C10orf67: variants seen among roughly 807,000 people sequenced by gnomAD.
The protein encoded by C10orf67 is chromosome 10 open reading frame 67, also known as uncharacterized protein C10orf67, mitochondrial.
A neutral mutation model predicts 35.6 loss-of-function variants in C10orf67; 60 were observed. The observed-to-expected ratio is 1.68, with a 90% CI of 1.37 to 2.09. The LOEUF (loss-of-function observed/expected upper bound fraction) is 2.09. Ranked by LOEUF, C10orf67 falls within the 30% of genes most tolerant of loss-of-function variation. The pLI is 0.00. For missense variants in C10orf67, 474 were observed against 330.2 expected, an observed-to-expected ratio of 1.44 and a Z score of -3.38; for synonymous variants, 167 against 115.8, an observed-to-expected ratio of 1.44 and a Z score of -2.84.
At chr10:23,285,592 T>C (rs1185364653) in intron 7 of C10orf67, among the ~76,000 whole-genome samples, 1 of 152,102 alleles carries the variant, frequency 6.6e-6, no homozygotes, top group African/African-American at 2.4e-5. Flanking sequence ...ATTTCACATT[T>C]TTTACACCAA....
At position 23,320,789 on chromosome 10, in the gene C10orf67, G is replaced by A. The variant is rs1844919780; in HGVS notation, c.498C>T (p.Phe166=). Reference sequence around the variant, plus strand: ...CTATGGCATCAGCTAACTGCTGATTGAAGGATTTTCTCATCTTATCCTCAT... The same window carrying A: ...CTATGGCATCAGCTAACTGCTGATTAAAGGATTTTCTCATCTTATCCTCAT... ...QQNEDKMRKS[F]NQQLADAIAV... The change falls in exon 4 of 16, where the codon TTC becomes TTT. Residue 166 remains phenylalanine (F), a synonymous_variant. Transcript: ENST00000636213. 8 of 1,588,878 alleles carry A rather than the reference G, an allele frequency of 5.0e-6. No individual in the cohort carries two copies. Among genetic ancestry groups the A allele is most frequent in the Non-Finnish European group, 6.0e-6 (7 of 1,166,758 alleles).
At chr10:23,226,136 A>G (rs1051596741) in intron 13 of C10orf67, among the ~76,000 whole-genome samples, 3 of 152,228 alleles carry the variant, frequency 2.0e-5, no homozygotes, top group African/African-American at 4.8e-5. Context: ...CAGAATATAC[A>G]TTCTTCTCAG....
rs1588636658 is a variant in C10orf67, at chr10:23,271,490, A to C, written c.976-4236T>G. Among the ~76,000 whole-genome samples, 3 of 152,360 alleles carry C rather than the reference A, an allele frequency of 2.0e-5. No individual in the cohort carries two copies. In the East Asian group the frequency reaches 5.8e-4, roughly 29 times the overall value. On this transcript the variant is annotated intron_variant, in intron 8 of 15. Coordinates refer to ENST00000636213, the MANE Select transcript of C10orf67 (RefSeq NM_001371909.1). ...GTATAGAATTTTAGAAATTTCTTTT[A>C]GCTGTCAAAATATTTTTCTAAATGG...
intron 10 of C10orf67, among the ~76,000 whole-genome samples, chr10:23,265,142 G>A (rs1842853336): frequency 6.6e-6 from 1 of 152,254 alleles, no homozygotes; most frequent in African/African-American, 2.4e-5. Flanking sequence ...AAGTGGAAAT[G>A]CTCACAGAGG....
At chr10:23,217,421 T>C (rs188623425) in intron 15 of C10orf67, among the ~76,000 whole-genome samples, 4 of 152,308 alleles carry the variant, frequency 2.6e-5, no homozygotes, top group African/African-American at 9.6e-5. Flanking sequence ...ATGTATAATA[T>C]CCTGTAACAT....
intron 7 of C10orf67, among the ~76,000 whole-genome samples, chr10:23,283,834 C>T (rs1843445830): frequency 6.6e-6 from 1 of 152,104 alleles, no homozygotes; most frequent in African/African-American, 2.4e-5. Context: ...GTGTGCCGCA[C>T]ACCAAACTCT....
intron 15 of C10orf67, among the ~76,000 whole-genome samples, chr10:23,214,833 G>A (rs1210985398): frequency 6.6e-6 from 1 of 152,106 alleles, no homozygotes; most frequent in Non-Finnish European, 1.5e-5. Flanking sequence ...CACCAGCCTG[G>A]ACAACATGGC....
rs57702096 is a variant in C10orf67 at position 23,249,131 on chromosome 10, CAAAAAAAAAAAA to C, written c.1346+1312_1346+1323del. 2.8e-4 allele frequency among the ~76,000 whole-genome samples: 6 copies of C among 21,548 alleles called. No individual in the cohort carries two copies. The East Asian group carries it at 8.6e-3, about 31-fold the overall frequency. The allele number at this position is 21,548 out of a possible 152,430, so 14.1% of individuals were successfully genotyped here. On this transcript the variant is annotated intron_variant, in intron 12 of 15. Coordinates refer to ENST00000636213, the MANE Select transcript of C10orf67 (RefSeq NM_001371909.1). ...GGCAACAAGAGCAAAAACTCCCTCT[CAAAAAAAAAAAA>C]AAAAAAAAAAAAAAAAAGAAAACTG...
intron 13 of C10orf67, among the ~76,000 whole-genome samples, chr10:23,235,323 A>G (rs1842020890): frequency 6.6e-6 from 1 of 152,234 alleles, no homozygotes; most frequent in Non-Finnish European, 1.5e-5. Flanking sequence ...AAAATAACTA[A>G]GTTGTCTTCA....
intron 4 of C10orf67, among the ~76,000 whole-genome samples, chr10:23,314,527 C>T (rs990649007): frequency 2.9e-5 from 4 of 139,692 alleles, no homozygotes; most frequent in Non-Finnish European, 6.4e-5. Context: ...CACACACACA[C>T]AAACTTATTA....
intron 15 of C10orf67, among the ~76,000 whole-genome samples, chr10:23,221,481 C>CG (rs1237340233): frequency 4.6e-5 from 7 of 152,104 alleles, no homozygotes; most frequent in Non-Finnish European, 8.8e-5. Flanking sequence ...AAACTATTTC[C>CG]GGGGGGTCTG....
intron 4 of C10orf67, among the ~76,000 whole-genome samples, chr10:23,307,448 T>G (rs1243865979): frequency 6.6e-6 from 1 of 152,086 alleles, no homozygotes; most frequent in Non-Finnish European, 1.5e-5. Context: ...AGAAGAATAA[T>G]ATATGAAGGT....
intron 15 of C10orf67, among the ~76,000 whole-genome samples, chr10:23,222,281 G>C (rs1190620734): frequency 6.6e-6 from 1 of 152,056 alleles, no homozygotes; most frequent in African/African-American, 2.4e-5. Context: ...TTTGCAAAAT[G>C]GTTTTCTTGG....
At chr10:23,267,968 C>T (rs114007161) in intron 8 of C10orf67, among the ~76,000 whole-genome samples, 248 of 151,598 alleles carry the variant, frequency 1.6e-3, no homozygotes, top group African/African-American at 5.6e-3. Flanking sequence ...ACTTCAATAA[C>T]GTAATGAATG....
In C10orf67 at chr10:23,301,850, C is replaced by T. The variant is rs536547330; in HGVS notation, c.702+1454G>A. 7.2e-5 allele frequency among the ~76,000 whole-genome samples: 11 copies of T among 152,328 alleles called. No individual in the cohort carries two copies. The South Asian group carries it at 1.9e-3, about 26-fold the overall frequency. On this transcript the variant is annotated intron_variant, in intron 5 of 15. Coordinates refer to ENST00000636213, the MANE Select transcript of C10orf67 (RefSeq NM_001371909.1). ...GAGAACCGTGGAACCCAGTAACTAG[C>T]GTTCAGCTCGATTATGATCAACCCG...
intron 1 of C10orf67, among the ~76,000 whole-genome samples, chr10:23,335,853 CA>C: frequency 6.6e-6 from 1 of 152,292 alleles, no homozygotes; most frequent in African/African-American, 2.4e-5. Flanking sequence ...AATGTTCCCC[CA>C]AATACATCTG....
chr10:23,230,576 T>C (rs1297177874), intron 13 of C10orf67, among the ~76,000 whole-genome samples: 1 of 152,140 alleles, frequency 6.6e-6, no homozygotes, highest in Non-Finnish European at 1.5e-5. Context: ...AAAGGATTAG[T>C]ATCCAAGTTA....
At chr10:23,211,530 G>C (rs1841308018) in intron 15 of C10orf67, among the ~76,000 whole-genome samples, 1 of 151,440 alleles carries the variant, frequency 6.6e-6, no homozygotes, top group African/African-American at 2.4e-5. Context: ...TTCCAGAGAA[G>C]GCAACTTACT....
chr10:23,320,890 CAT>C lies in C10orf67; in HGVS notation c.472-77_472-76del, dbSNP rs1384911695. ...GACCCACACCTACTAGGGAGGGACTCATAGTAAAAAAACATCATCTGAATCAT... is the reference window on the plus strand; with the variant it reads ...GACCCACACCTACTAGGGAGGGACTCAGTAAAAAAACATCATCTGAATCAT... On this transcript the variant is annotated intron_variant, in intron 3 of 15. Transcript: ENST00000636213. 21 of 981,550 alleles carry C rather than the reference CAT, an allele frequency of 2.1e-5. No homozygotes were observed. The South Asian group carries it at 2.6e-4, about 12-fold the overall frequency. The allele number at this position is 981,550 out of a possible 1,614,324, so 60.8% of individuals were successfully genotyped here. A position where few individuals can be genotyped will look rare whatever the true frequency, so the allele number is the denominator to read the frequency against.
Sources: allele counts gnomAD v4.1 joint callset (sites outside exome capture counted in the v4.1 genomes callset), GRCh38; gene constraint gnomAD v4.1.1; transcripts MANE v1.5; gene names NCBI Gene and HGNC (gene_info 2026-07-23, HGNC 2026-07-21).